CHCHD3: variants seen among roughly 807,000 people sequenced by gnomAD.
CHCHD3 encodes the protein MICOS complex subunit MIC19.
A neutral mutation model predicts 38.2 loss-of-function variants in CHCHD3; 20 were observed. That is an observed-to-expected ratio of 0.52 (90% CI 0.37 to 0.76). CHCHD3 has a LOEUF of 0.76. Ranked by LOEUF, CHCHD3 falls within the 30% of genes least tolerant of loss-of-function variation. CHCHD3 has a pLI of 0.00. For synonymous variants in CHCHD3, 82 were observed against 100.0 expected, an observed-to-expected ratio of 0.82 and a Z score of 1.07; for missense variants, 245 against 279.2, an observed-to-expected ratio of 0.88 and a Z score of 0.87.
chr7:132,837,350 T>C (rs1321535395), intron 6 of CHCHD3, among the ~76,000 whole-genome samples: 1 of 152,160 alleles, frequency 6.6e-6, no homozygotes, highest in East Asian at 1.9e-4. Flanking sequence ...CCAGTTCTAT[T>C]AATATGTCTA....
intron 4 of CHCHD3, among the ~76,000 whole-genome samples, chr7:132,904,922 C>T (rs924364226): frequency 2.6e-5 from 4 of 152,078 alleles, no homozygotes; most frequent in Non-Finnish European, 4.4e-5. Context: ...TAAGAAAGGA[C>T]GAGTTCATGT....
intron 4 of CHCHD3, among the ~76,000 whole-genome samples, chr7:132,930,370 T>C (rs939397180): frequency 6.6e-6 from 1 of 152,002 alleles, no homozygotes; most frequent in African/African-American, 2.4e-5. Flanking sequence ...GGTCTCACCA[T>C]GTTGGCCAGA....
chr7:132,891,416 A>G lies in CHCHD3; in HGVS notation c.370-5671T>C, dbSNP rs141444752. 6.6e-3 allele frequency among the ~76,000 whole-genome samples: 1,007 copies of G among 152,302 alleles called. 11 individuals are homozygous for G. Among genetic ancestry groups the G allele is most frequent in the African/African-American group, 0.022 (935 of 41,556 alleles). On this transcript the variant is annotated intron_variant, in intron 4 of 7. Transcript: ENST00000262570. ...TTAAACTGCACTGATGTCCACTAAC[A>G]CTATAACACCTAATATAAGGTGAAC...
intron 3 of CHCHD3, among the ~76,000 whole-genome samples, chr7:133,004,353 C>T (rs1208173413): frequency 6.6e-6 from 1 of 152,200 alleles, no homozygotes; most frequent in Admixed American, 6.5e-5. Flanking sequence ...TATATCTTAT[C>T]AGTCATCTAT....
intron 7 of CHCHD3, among the ~76,000 whole-genome samples, chr7:132,792,989 G>A (rs566767016): frequency 1.3e-5 from 2 of 152,334 alleles, no homozygotes; most frequent in African/African-American, 4.8e-5. Context: ...AATGGTCCCA[G>A]ACGTAATGCA....
intron 2 of CHCHD3, among the ~76,000 whole-genome samples, chr7:133,062,643 T>C (rs1031151928): frequency 6.6e-6 from 1 of 152,156 alleles, no homozygotes; most frequent in Non-Finnish European, 1.5e-5. Flanking sequence ...ACAGCGTCTT[T>C]TTTCTCTGCT....
At chr7:133,034,511 T>G in intron 2 of CHCHD3, 9 of 395,598 alleles carry the variant, frequency 2.3e-5, no homozygotes, top group East Asian at 4.8e-5. Context: ...ATCCAGTCTT[T>G]TTTTTTTTTT....
chr7:132,906,360 C>T (rs1809805597), intron 4 of CHCHD3, among the ~76,000 whole-genome samples: 1 of 152,116 alleles, frequency 6.6e-6, no homozygotes, highest in Admixed American at 6.5e-5. Context: ...AACTGCATAC[C>T]ACCTGCTATT....
chr7:132,858,415 T>C (rs945513964), intron 5 of CHCHD3, among the ~76,000 whole-genome samples: 21 of 152,182 alleles, frequency 1.4e-4, no homozygotes, highest in African/African-American at 4.8e-4. Context: ...ACTTTTATTA[T>C]ATACCTTTCG....
intron 4 of CHCHD3, among the ~76,000 whole-genome samples, chr7:132,935,960 AT>A: frequency 6.6e-6 from 1 of 152,150 alleles, no homozygotes; most frequent in East Asian, 1.9e-4. Flanking sequence ...GGCCAAACTT[AT>A]CCTTTCATCA....
chr7:132,846,741 A>C (rs1585567563), intron 5 of CHCHD3, among the ~76,000 whole-genome samples: 1 of 152,318 alleles, frequency 6.6e-6, no homozygotes, highest in East Asian at 1.9e-4. Context: ...CTCATATTTA[A>C]AACAGGATGG....
intron 3 of CHCHD3, among the ~76,000 whole-genome samples, chr7:132,993,230 T>C (rs991722682): frequency 6.6e-6 from 1 of 152,242 alleles, no homozygotes; most frequent in African/African-American, 2.4e-5. Flanking sequence ...AGACTCCAGT[T>C]TTCTTCAGCT....
At chr7:133,078,134 C>T in intron 1 of CHCHD3, among the ~76,000 whole-genome samples, 1 of 151,894 alleles carries the variant, frequency 6.6e-6, no homozygotes, top group East Asian at 1.9e-4. Context: ...ATGGTGAAAC[C>T]CCCCTCTACT....
intron 5 of CHCHD3, among the ~76,000 whole-genome samples, chr7:132,841,262 T>C (rs1220042593): frequency 1.3e-5 from 2 of 152,048 alleles, no homozygotes; most frequent in South Asian, 4.2e-4. Context: ...CCATCTGACA[T>C]GGGAGAAAAG....
At chr7:132,865,383 C>A (rs1349658515) in intron 5 of CHCHD3, among the ~76,000 whole-genome samples, 1 of 152,110 alleles carries the variant, frequency 6.6e-6, no homozygotes, top group Non-Finnish European at 1.5e-5. Flanking sequence ...GAGAATTCAC[C>A]CCAAGGTGGT....
chr7:132,915,816 G>A (rs961558854), intron 4 of CHCHD3, among the ~76,000 whole-genome samples: 26 of 152,042 alleles, frequency 1.7e-4, no homozygotes, highest in African/African-American at 6.3e-4. Context: ...TTGCTACCTA[G>A]CCAATCCTTG....
intron 5 of CHCHD3, among the ~76,000 whole-genome samples, chr7:132,875,149 T>C (rs1027768507): frequency 3.9e-5 from 6 of 152,106 alleles, no homozygotes; most frequent in African/African-American, 7.2e-5. Flanking sequence ...ATTCCATGTT[T>C]TGGGTATAAT....
intron 3 of CHCHD3, among the ~76,000 whole-genome samples, chr7:132,975,656 G>A (rs1655798153): frequency 6.6e-6 from 1 of 152,126 alleles, no homozygotes; most frequent in Non-Finnish European, 1.5e-5. Flanking sequence ...GGCCAGGCGT[G>A]GTGGCAGCTC....
chr7:132,825,269 C>T (rs1159659378), intron 6 of CHCHD3, among the ~76,000 whole-genome samples: 1 of 152,128 alleles, frequency 6.6e-6, no homozygotes, highest in Non-Finnish European at 1.5e-5. Context: ...TGCCATTGAG[C>T]TCACTAGGGG....
Sources: gnomAD v4.1 joint callset for allele counts (sites outside exome capture counted in the v4.1 genomes callset) on GRCh38, gnomAD v4.1.1 for gene constraint, MANE v1.5 for transcripts, NCBI Gene and HGNC (gene_info 2026-07-23, HGNC 2026-07-21) for gene names.